The following EPCIP variants were observed in gnomAD, a reference collection of about 807,000 sequenced individuals.
The protein encoded by EPCIP is exosomal polycystin 1 interacting protein.
the EPCIP span, chr21:32,794,456 C>A: frequency 6.3e-7 from 1 of 1,584,802 alleles, no homozygotes; most frequent in Non-Finnish European, 8.6e-7. Flanking sequence ...TTTATCCCCC[C>A]TCTTTTTGAA....
At chr21:32,806,823 C>G in the EPCIP span, among the ~76,000 whole-genome samples, 1 of 152,102 alleles carries the variant, frequency 6.6e-6, no homozygotes, top group African/African-American at 2.4e-5. Flanking sequence ...TTTATTAGTC[C>G]ATTTTCATGC....
the EPCIP span, among the ~76,000 whole-genome samples, chr21:32,805,544 T>A: frequency 6.6e-6 from 1 of 152,006 alleles, no homozygotes; most frequent in Admixed American, 6.6e-5. Context: ...ATATTTTTAG[T>A]AGAGATGGGG....
the EPCIP span, among the ~76,000 whole-genome samples, chr21:32,809,276 C>CT: frequency 2.3e-4 from 23 of 97,954 alleles, 1 homozygote; most frequent in South Asian, 3.7e-4. Context: ...TCCCTCCCTC[C>CT]TTCCTTTCTT....
chr21:32,809,279 C>CCTTT, the EPCIP span, among the ~76,000 whole-genome samples: 5,276 of 79,874 alleles, frequency 0.066, 233 homozygotes, highest in Middle Eastern at 0.099. Flanking sequence ...CTCCCTCCTT[C>CCTTT]CTTTCTTTCT....
the EPCIP span, among the ~76,000 whole-genome samples, chr21:32,806,154 C>A: frequency 2.0e-5 from 3 of 152,148 alleles, no homozygotes; most frequent in African/African-American, 7.2e-5. Context: ...AGATGTGAGG[C>A]ACAAGTGGCC....
chr21:32,812,565 A>G, the EPCIP span, among the ~76,000 whole-genome samples: 2 of 152,200 alleles, frequency 1.3e-5, no homozygotes, highest in African/African-American at 4.8e-5. Flanking sequence ...AATTTCTGTC[A>G]GAAAAAAAAG....
chr21:32,791,777 C>T, the EPCIP span, among the ~76,000 whole-genome samples: 3 of 152,050 alleles, frequency 2.0e-5, no homozygotes, highest in Non-Finnish European at 4.4e-5. Flanking sequence ...AGTCATCAAC[C>T]CCAGGATATC....
At chr21:32,791,734 G>GA in the EPCIP span, among the ~76,000 whole-genome samples, 275 of 130,312 alleles carry the variant, frequency 2.1e-3, no homozygotes, top group East Asian at 3.9e-3. Context: ...AAGGTTAAGT[G>GA]AAAAAAAAAA....
the EPCIP span, among the ~76,000 whole-genome samples, chr21:32,796,318 G>A: frequency 6.6e-6 from 1 of 152,208 alleles, no homozygotes; most frequent in Non-Finnish European, 1.5e-5. Context: ...CCCAGCCTGG[G>A]CTGTGTGCCA....
chr21:32,810,445 T>C, the EPCIP span: 1 of 289,536 alleles, frequency 3.5e-6, no homozygotes, highest in Non-Finnish European at 6.9e-6. Flanking sequence ...TTTTTTTTAG[T>C]GCAGACGGGG....
the EPCIP span, among the ~76,000 whole-genome samples, chr21:32,810,330 A>G: frequency 8.2e-6 from 1 of 121,354 alleles, no homozygotes; most frequent in East Asian, 2.4e-4. Flanking sequence ...ATCTCGGCTC[A>G]TTGCAACCTC....
chr21:32,810,414 C>T, the EPCIP span, among the ~76,000 whole-genome samples: 2 of 150,060 alleles, frequency 1.3e-5, no homozygotes, highest in Non-Finnish European at 3.0e-5. Flanking sequence ...CACCACCATG[C>T]CCGGTAATTT....
chr21:32,794,522 T>C, the EPCIP span: 1 of 1,101,420 alleles, frequency 9.1e-7, no homozygotes, highest in Non-Finnish European at 1.3e-6. Context: ...CAACCTTTCA[T>C]TTGAAATACA....
the EPCIP span, chr21:32,793,921 G>A: frequency 1.6e-5 from 26 of 1,614,212 alleles, no homozygotes; most frequent in Non-Finnish European, 2.0e-5. Flanking sequence ...CTAAGAATGA[G>A]ATATACATAC....
At chr21:32,792,845 G>C in the EPCIP span, among the ~76,000 whole-genome samples, 1 of 151,894 alleles carries the variant, frequency 6.6e-6, no homozygotes, top group Non-Finnish European at 1.5e-5. Context: ...CTTATTTCTT[G>C]GTGCATCTAT....
chr21:32,795,194 T>A, the EPCIP span, among the ~76,000 whole-genome samples: 1 of 152,170 alleles, frequency 6.6e-6, no homozygotes. Context: ...TCACAATTAT[T>A]TTGACTTAGC....
At chr21:32,799,710 G>C in the EPCIP span, among the ~76,000 whole-genome samples, 2 of 152,204 alleles carry the variant, frequency 1.3e-5, no homozygotes, top group East Asian at 1.9e-4. Context: ...GGTAGGCTGA[G>C]GGGGGCAGAT....
the EPCIP span, among the ~76,000 whole-genome samples, chr21:32,809,386 C>T: frequency 6.8e-6 from 1 of 146,258 alleles, no homozygotes; most frequent in East Asian, 2.0e-4. Context: ...CTCTCTCTTT[C>T]TTTCTTTCCT....
the EPCIP span, chr21:32,797,471 AC>A: frequency 6.1e-6 from 1 of 165,258 alleles, no homozygotes; most frequent in South Asian, 1.5e-4. Flanking sequence ...CTGGTCTTGA[AC>A]TCCTGACCTT....
Sources: gnomAD v4.1 joint callset for allele counts (sites outside exome capture counted in the v4.1 genomes callset) on GRCh38, gnomAD v4.1.1 for gene constraint, MANE v1.5 for transcripts, NCBI Gene and HGNC (gene_info 2026-07-23, HGNC 2026-07-21) for gene names.